The following PRELID2 variants were observed in gnomAD, a reference collection of about 807,000 sequenced individuals.
PRELID2 encodes the protein PRELI domain containing 2, also known as PRELI domain-containing protein 2.
Under a neutral mutation model 28.4 loss-of-function variants are expected in PRELID2, and 25 were observed. The ratio of observed to expected loss-of-function variants is 0.88; its 90% CI spans 0.64 to 1.23. The LOEUF (loss-of-function observed/expected upper bound fraction) is 1.23, where lower values mean the gene tolerates loss of function less well. Among genes scored for constraint, PRELID2 ranks in the 50% most tolerant of loss-of-function variants. PRELID2 has a pLI of 0.00. For missense variants in PRELID2, 201 were observed against 214.4 expected, an observed-to-expected ratio of 0.94 and a Z score of 0.39; for synonymous variants, 76 against 71.6, an observed-to-expected ratio of 1.06 and a Z score of -0.31.
At chr5:145,654,538 A>G (rs1023593077) in intron 1 of PRELID2, among the ~76,000 whole-genome samples, 1 of 152,206 alleles carries the variant, frequency 6.6e-6, no homozygotes, top group Non-Finnish European at 1.5e-5. Flanking sequence ...CACATCAAAA[A>G]GCTTATCCAC....
chr5:145,691,342 A>G (rs1755145007), intron 1 of PRELID2, among the ~76,000 whole-genome samples: 1 of 152,208 alleles, frequency 6.6e-6, no homozygotes, highest in African/African-American at 2.4e-5. Context: ...AGGAATGAGA[A>G]GTAGAGCCAA....
At chr5:145,253,343 T>A in the PRELID2 span, among the ~76,000 whole-genome samples, 3 of 152,162 alleles carry the variant, frequency 2.0e-5, no homozygotes, top group South Asian at 4.1e-4. Context: ...TACAATATTA[T>A]CTTATTTGAT....
At chr5:145,692,700 G>A (rs938275452) in intron 1 of PRELID2, among the ~76,000 whole-genome samples, 5 of 152,164 alleles carry the variant, frequency 3.3e-5, no homozygotes, top group Non-Finnish European at 5.9e-5. Flanking sequence ...TATACCAAAA[G>A]ACAAGTATTT....
At chr5:145,568,861 C>G (rs1438574046) in intron 1 of PRELID2, among the ~76,000 whole-genome samples, 2 of 152,214 alleles carry the variant, frequency 1.3e-5, no homozygotes, top group Admixed American at 6.5e-5. Context: ...ATGTTACACA[C>G]TGTACCTGCC....
chr5:145,535,050 A>G (rs1221590566), intron 1 of PRELID2, among the ~76,000 whole-genome samples: 1 of 151,938 alleles, frequency 6.6e-6, no homozygotes, highest in African/African-American at 2.4e-5. Context: ...GCCATTCCAC[A>G]GAATTATAGA....
chr5:145,284,395 T>A, the PRELID2 span, among the ~76,000 whole-genome samples: 62,607 of 151,964 alleles, frequency 0.41, 14,145 homozygotes, highest in African/African-American at 0.59. Flanking sequence ...CTGGGAAAGA[T>A]TTTTTGCCGT....
chr5:145,618,307 A>G (rs1581006265), intron 1 of PRELID2, among the ~76,000 whole-genome samples: 1 of 152,312 alleles, frequency 6.6e-6, no homozygotes, highest in South Asian at 2.1e-4. Flanking sequence ...TCATTCGGAT[A>G]GGCTCTGTTA....
the PRELID2 span, among the ~76,000 whole-genome samples, chr5:145,406,655 T>G: frequency 6.6e-6 from 1 of 152,212 alleles, no homozygotes; most frequent in African/African-American, 2.4e-5. Context: ...CAAGAACCAC[T>G]GCAAGAACAT....
chr5:145,448,884 C>A, the PRELID2 span, among the ~76,000 whole-genome samples: 1 of 152,134 alleles, frequency 6.6e-6, no homozygotes, highest in Admixed American at 6.6e-5. Context: ...CTACTGATCT[C>A]AAATCATAGA....
chr5:145,753,359 A>T (rs1581140829), downstream of PRELID2, among the ~76,000 whole-genome samples: 1 of 152,324 alleles, frequency 6.6e-6, no homozygotes, highest in East Asian at 1.9e-4. Context: ...TTTTTCTGCA[A>T]GGGGTTCTAT....
chr5:145,692,969 T>A (rs554225757), intron 1 of PRELID2, among the ~76,000 whole-genome samples: 7 of 152,044 alleles, frequency 4.6e-5, no homozygotes, highest in African/African-American at 1.7e-4. Flanking sequence ...AAGCAACCAT[T>A]TGAAAATAAG....
the PRELID2 span, among the ~76,000 whole-genome samples, chr5:145,462,978 C>T: frequency 6.6e-6 from 1 of 151,918 alleles, no homozygotes; most frequent in Non-Finnish European, 1.5e-5. Flanking sequence ...CCTGCCAAAC[C>T]CTTGAGTGAT....
intron 1 of PRELID2, among the ~76,000 whole-genome samples, chr5:145,722,244 A>T (rs749451366): frequency 5.3e-5 from 8 of 152,222 alleles, no homozygotes; most frequent in Non-Finnish European, 1.0e-4. Context: ...CTCTCAGATT[A>T]TAATACAATA....
intron 1 of PRELID2, among the ~76,000 whole-genome samples, chr5:145,546,784 A>G (rs957428445): frequency 1.3e-5 from 2 of 152,186 alleles, no homozygotes; most frequent in African/African-American, 4.8e-5. Context: ...CTGAAATTTG[A>G]AAACAAAAAA....
intron 1 of PRELID2, among the ~76,000 whole-genome samples, chr5:145,532,616 T>C (rs1580969927): frequency 6.6e-6 from 1 of 151,982 alleles, no homozygotes; most frequent in Non-Finnish European, 1.5e-5. Context: ...CTCTTCCCAT[T>C]CCCCATCCTG....
intron 1 of PRELID2, among the ~76,000 whole-genome samples, chr5:145,623,024 T>C (rs1753792874): frequency 6.6e-6 from 1 of 152,050 alleles, no homozygotes; most frequent in East Asian, 1.9e-4. Context: ...AATTTATCTG[T>C]ATATTTGGCA....
chr5:145,356,639 C>T, the PRELID2 span, among the ~76,000 whole-genome samples: 2 of 151,754 alleles, frequency 1.3e-5, no homozygotes, highest in Non-Finnish European at 2.9e-5. Flanking sequence ...TCTCCGTTCC[C>T]TTACTTTGAG....
At chr5:145,248,738 A>C in the PRELID2 span, among the ~76,000 whole-genome samples, 4 of 151,604 alleles carry the variant, frequency 2.6e-5, no homozygotes, top group Non-Finnish European at 4.4e-5. Context: ...TGCAGGTTGC[A>C]GTGAACCGAG....
chr5:145,351,641 C>A, the PRELID2 span, among the ~76,000 whole-genome samples: 1 of 152,118 alleles, frequency 6.6e-6, no homozygotes, highest in Non-Finnish European at 1.5e-5. Flanking sequence ...CACAATCATG[C>A]CTTTCCAACA....
Sources: allele counts gnomAD v4.1 joint callset (sites outside exome capture counted in the v4.1 genomes callset), GRCh38; gene constraint gnomAD v4.1.1; transcripts MANE v1.5; gene names NCBI Gene and HGNC (gene_info 2026-07-23, HGNC 2026-07-21).